Variants in MVB12B observed in about 807,000 individuals in gnomAD.
The protein encoded by MVB12B is multivesicular body subunit 12B.
In MVB12B, 16 loss-of-function variants were observed where a neutral mutation model predicts 41.6. The observed-to-expected ratio is 0.38, with a 90% confidence interval of 0.26 to 0.58. The LOEUF (loss-of-function observed/expected upper bound fraction) is 0.58, where lower values mean the gene tolerates loss of function less well. Ranked by LOEUF, MVB12B falls within the 20% of genes least tolerant of loss-of-function variation. The probability of loss-of-function intolerance (pLI) is 0.62; values close to 1 mark genes in which losing one functional copy is unlikely to be tolerated. For missense variants in MVB12B, 274 were observed against 380.2 expected (o/e 0.72, Z 2.32); for synonymous variants, 133 against 139.7 (o/e 0.95, Z 0.34).
chr9:126,413,181 A>G (rs11496601), intron 6 of MVB12B, among the ~76,000 whole-genome samples: 38,467 of 152,220 alleles, frequency 0.25, 5,058 homozygotes, highest in East Asian at 0.38. Context: ...AGTCAGACAT[A>G]GTAACATTAT....
chr9:126,399,667 G>T (rs1043281979), intron 6 of MVB12B, among the ~76,000 whole-genome samples: 1 of 152,192 alleles, frequency 6.6e-6, no homozygotes, highest in Non-Finnish European at 1.5e-5. Context: ...GCTCACAACC[G>T]CTGGAGCACC....
At chr9:126,487,574 A>C (rs1409155882) in intron 9 of MVB12B, among the ~76,000 whole-genome samples, 1 of 152,228 alleles carries the variant, frequency 6.6e-6, no homozygotes, top group African/African-American at 2.4e-5. Flanking sequence ...AGCCTGGCCA[A>C]CATGGTAAAA....
intron 7 of MVB12B, among the ~76,000 whole-genome samples, chr9:126,453,254 C>A (rs1832916541): frequency 6.6e-6 from 1 of 152,136 alleles, no homozygotes; most frequent in Non-Finnish European, 1.5e-5. Context: ...CGTGAGCATC[C>A]CCACCCACCC....
chr9:126,498,778 C>T (rs1028693473), intron 9 of MVB12B, among the ~76,000 whole-genome samples: 1 of 152,202 alleles, frequency 6.6e-6, no homozygotes, highest in African/African-American at 2.4e-5. Context: ...CGTCTGGAGC[C>T]CTCTAGAGTG....
intron 9 of MVB12B, among the ~76,000 whole-genome samples, chr9:126,500,636 G>C (rs1253085146): frequency 2.0e-5 from 3 of 152,228 alleles, no homozygotes; most frequent in Admixed American, 2.0e-4. Flanking sequence ...ACTGGTGTGC[G>C]TTCAGAGTTG....
chr9:126,388,447 A>G (rs1188285210), intron 4 of MVB12B, among the ~76,000 whole-genome samples: 6 of 152,220 alleles, frequency 3.9e-5, no homozygotes, highest in Non-Finnish European at 8.8e-5. Flanking sequence ...ACTGATGGAT[A>G]TCTGAGTTGT....
At chr9:126,337,624 G>A (rs1308386043) in intron 1 of MVB12B, among the ~76,000 whole-genome samples, 1 of 152,150 alleles carries the variant, frequency 6.6e-6, no homozygotes, top group Non-Finnish European at 1.5e-5. Context: ...AAGGTGACCC[G>A]GCCACCTCCC....
At chr9:126,381,360 G>A (rs561481950) in intron 3 of MVB12B, among the ~76,000 whole-genome samples, 189 bp downstream of exon 3, 12 of 152,248 alleles carry the variant, frequency 7.9e-5, no homozygotes, top group African/African-American at 1.2e-4. Context: ...TATTAACCAC[G>A]TACCCAAGTG....
rs192289603 is a variant in MVB12B at position 126,398,708 on chromosome 9, C to T, written c.662+3011C>T. Among the ~76,000 whole-genome samples the T allele has an allele frequency of 2.0e-5, 3 of 152,094 alleles. No individual in the cohort carries two copies. The East Asian group carries it at 5.8e-4, about 29-fold the overall frequency. On this transcript the variant is annotated intron_variant, in intron 6 of 9. Transcript: ENST00000361171. ...CGGTGGCGGGGAATGCGGTTCTGAGCCGGAGCTAGTGGCAGGCTCTTTCGC... is the reference window on the plus strand; with the variant it reads ...CGGTGGCGGGGAATGCGGTTCTGAGTCGGAGCTAGTGGCAGGCTCTTTCGC...
At chr9:126,352,529 C>G (rs1829779435) in intron 2 of MVB12B, among the ~76,000 whole-genome samples, 1 of 152,148 alleles carries the variant, frequency 6.6e-6, no homozygotes, top group Non-Finnish European at 1.5e-5. Context: ...GTGTTTACTG[C>G]TGTTTCTGGG....
intron 2 of MVB12B, among the ~76,000 whole-genome samples, chr9:126,341,386 T>C (rs1829440364): frequency 6.6e-6 from 1 of 152,250 alleles, no homozygotes; most frequent in Admixed American, 6.5e-5. Flanking sequence ...TAACAGTGGA[T>C]ATTATCATGT....
chr9:126,468,327 G>T lies in MVB12B; in HGVS notation c.758-13042G>T, dbSNP rs964073866. ...CTCACACACCCATCTCACATTCTCG[G>T]TCATAATGTTCTAACCAGTGTTGAC... is the stretch of plus-strand genomic sequence containing the variant. On this transcript the variant is annotated intron_variant, in intron 7 of 9. Transcript: ENST00000361171. The surrounding 1 kb of genome is among the most constrained non-coding windows in gnomAD (Gnocchi z 4.3). 6.6e-6 allele frequency among the ~76,000 whole-genome samples: 1 copy of T among 152,106 alleles called. No individual in the cohort carries two copies. The highest frequency in any genetic ancestry group is 1.5e-5 in the Non-Finnish European group (1 of 68,010).
intron 9 of MVB12B, among the ~76,000 whole-genome samples, chr9:126,488,084 C>T (rs1833657133): frequency 1.3e-5 from 2 of 152,180 alleles, no homozygotes; most frequent in Admixed American, 6.5e-5. Context: ...TTCTTTTAGC[C>T]ACTGAACTCG....
chr9:126,381,852 C>T (rs1238982220), intron 3 of MVB12B, among the ~76,000 whole-genome samples: 1 of 151,592 alleles, frequency 6.6e-6, no homozygotes, highest in Non-Finnish European at 1.5e-5. Flanking sequence ...TCATTCTGTC[C>T]CCAGGTAATC....
intron 6 of MVB12B, among the ~76,000 whole-genome samples, chr9:126,414,210 A>ATGTTAATTGAATAAGGTGCCTAAGAC (rs1831740194): frequency 6.6e-6 from 1 of 152,246 alleles, no homozygotes; most frequent in African/African-American, 2.4e-5. Context: ...CTTAGTGGCC[A>ATGTTAATTGAATAAGGTGCCTAAGAC]TGTTAATTGA....
At chr9:126,372,925 G>A (rs1438619799) in intron 2 of MVB12B, among the ~76,000 whole-genome samples, 3 of 152,108 alleles carry the variant, frequency 2.0e-5, no homozygotes, top group Non-Finnish European at 2.9e-5. Context: ...AGGAAATGGC[G>A]GGGCACAGTT....
At chr9:126,358,132 G>A (rs190977505) in intron 2 of MVB12B, among the ~76,000 whole-genome samples, 4 of 152,142 alleles carry the variant, frequency 2.6e-5, no homozygotes, top group Non-Finnish European at 5.9e-5. Flanking sequence ...GATCGTAGAT[G>A]TATAGGCACA....
chr9:126,340,463 T>G lies in MVB12B; in HGVS notation c.82-45T>G. 6.2e-7 allele frequency: 1 copy of G among 1,608,158 alleles called. No homozygotes were observed. Among genetic ancestry groups the G allele is most frequent in the Non-Finnish European group, 8.5e-7 (1 of 1,176,396 alleles). ...TGAGACTTTATATTATTCACATAAA[T>G]GCTATGTTTGAATTTTGTGTTTTCT... On this transcript the variant is annotated intron_variant, in intron 1 of 9. Coordinates refer to ENST00000361171, the MANE Select transcript of MVB12B (RefSeq NM_033446.3). This position sits in a 1 kb window ranked among gnomAD's most constrained non-coding sequence, Gnocchi z 4.0.
chr9:126,476,802 A>G (rs1833430209), intron 7 of MVB12B, among the ~76,000 whole-genome samples: 1 of 147,274 alleles, frequency 6.8e-6, no homozygotes, highest in Non-Finnish European at 1.5e-5. Flanking sequence ...ACGTGAACCC[A>G]GGAGGAGGAG....
Sources: gnomAD v4.1 joint callset for allele counts (sites outside exome capture counted in the v4.1 genomes callset) on GRCh38, gnomAD v4.1.1 for gene constraint, Gnocchi (gnomAD v3.1) non-coding constraint, MANE v1.5 for transcripts, NCBI Gene and HGNC (gene_info 2026-07-23, HGNC 2026-07-21) for gene names.